PREX1: variants seen among roughly 807,000 people sequenced by gnomAD.
The protein encoded by PREX1 is phosphatidylinositol 3,4,5-trisphosphate-dependent Rac exchanger 1 protein.
A neutral mutation model predicts 198.3 loss-of-function variants in PREX1; 41 were observed. The ratio of observed to expected loss-of-function variants is 0.21; its 90% CI spans 0.16 to 0.27. PREX1 has a LOEUF of 0.27. PREX1 is among the 10% of genes least tolerant of loss of function. The pLI is 1.00. For missense variants in PREX1, 1,620 were observed against 2,200.7 expected (o/e 0.74, Z 5.28); for synonymous variants, 843 against 887.2 (o/e 0.95, Z 0.89).
intron 1 of PREX1, among the ~76,000 whole-genome samples, chr20:48,751,481 A>G (rs2090133881): frequency 6.6e-6 from 1 of 152,190 alleles, no homozygotes. Context: ...GCCGGTGTGA[A>G]GGCCACAATG....
intron 6 of PREX1, 128 bp downstream of exon 6, chr20:48,708,132 T>TG: frequency 9.9e-7 from 1 of 1,014,840 alleles, no homozygotes; most frequent in South Asian, 1.9e-5. Flanking sequence ...AAGCAATCTT[T>TG]TGCAAACACT....
chr20:48,662,079 T>C (rs2089601248), intron 15 of PREX1, among the ~76,000 whole-genome samples: 1 of 152,194 alleles, frequency 6.6e-6, no homozygotes, highest in Non-Finnish European at 1.5e-5. Flanking sequence ...ATTTCTTTCT[T>C]TCTCCTTAGT....
intron 1 of PREX1, among the ~76,000 whole-genome samples, chr20:48,753,296 CTG>C (rs2122805851): frequency 6.6e-6 from 1 of 152,336 alleles, no homozygotes; most frequent in South Asian, 2.1e-4. Context: ...AAACAGCAAA[CTG>C]GTGACAAAAC....
At chr20:48,652,093 T>G (rs1601046029) in intron 21 of PREX1, among the ~76,000 whole-genome samples, 1 of 152,074 alleles carries the variant, frequency 6.6e-6, no homozygotes, top group East Asian at 1.9e-4. Flanking sequence ...AGCTGCTGGG[T>G]TTGGGGCACT....
chr20:48,643,971 T>C (rs6066801), intron 27 of PREX1, among the ~76,000 whole-genome samples: 40,603 of 152,202 alleles, frequency 0.27, 5,626 homozygotes, highest in South Asian at 0.42. Context: ...GCCACCACGC[T>C]CAGCCATGGG....
intron 31 of PREX1, 112 bp from the exon 32 acceptor site, chr20:48,636,795 T>C (rs147701646): frequency 1.1e-6 from 1 of 885,522 alleles, no homozygotes; most frequent in East Asian, 2.7e-5. Context: ...AGCAAAGGGC[T>C]AACATCAGGC....
At position 48,702,260 on chromosome 20, in the gene PREX1, A is replaced by C. The variant is rs181121754; in HGVS notation, c.784-1374T>G. On this transcript the variant is annotated intron_variant, in intron 6 of 39. Coordinates refer to ENST00000371941, the MANE Select transcript of PREX1 (RefSeq NM_020820.4). ...CTGAGGGCAGGGATGGGAAGGTCCT[A>C]GCTGGGAGGGATCCTTAGAGCCTGG... 2.0e-3 allele frequency among the ~76,000 whole-genome samples: 310 copies of C among 151,676 alleles called. 2 individuals carry two copies. The highest frequency in any genetic ancestry group is 7.2e-3 in the African/African-American group (298 of 41,392).
At position 48,827,231 on chromosome 20, in the gene PREX1, G is replaced by A. The variant is rs2090513012; in HGVS notation, c.219+411C>T. ...GACGTTGGGCTCTGGGGCTCCTACG[G>A]TATGTCCTAGATGAGTGGTGCACCG... On this transcript the variant is annotated intron_variant, in intron 1 of 39. Transcript: ENST00000371941. This position sits in a 1 kb window ranked among gnomAD's most constrained non-coding sequence, Gnocchi z 4.1. Among the ~76,000 whole-genome samples the A allele has an allele frequency of 6.6e-6, 1 of 152,332 alleles. No homozygotes were observed. Among genetic ancestry groups the A allele is most frequent in the South Asian group, 2.1e-4 (1 of 4,828 alleles).
chr20:48,723,436 C>T (rs55953372), intron 5 of PREX1, among the ~76,000 whole-genome samples: 36,662 of 152,086 alleles, frequency 0.24, 5,247 homozygotes, highest in African/African-American at 0.4. Context: ...CAAATGTTCC[C>T]GCTCTGGGGC....
At position 48,664,762 on chromosome 20, in the gene PREX1, A is replaced by G. The variant is rs2038176; in HGVS notation, c.1738+1521T>C. 1.5e-3 allele frequency among the ~76,000 whole-genome samples: 213 copies of G among 139,030 alleles called. 1 individual carries two copies. Among genetic ancestry groups the G allele is most frequent in the African/African-American group, 4.3e-3 (160 of 37,144 alleles). 91.2% of individuals were successfully genotyped at this position (139,030 alleles called of 152,430 possible). ...CCAGACGGCCTGAATTCTAATCCCG[A>G]CTCCAGACGGCCTGAATTCTAATCC... On this transcript the variant is annotated intron_variant, in intron 15 of 39. Coordinates refer to ENST00000371941, the MANE Select transcript of PREX1 (RefSeq NM_020820.4).
intron 3 of PREX1, among the ~76,000 whole-genome samples, chr20:48,742,253 G>A (rs959017369): frequency 6.6e-6 from 1 of 152,162 alleles, no homozygotes; most frequent in Non-Finnish European, 1.5e-5. Flanking sequence ...AGAAGCCTGG[G>A]AGGTGCCAGA....
intron 1 of PREX1, among the ~76,000 whole-genome samples, chr20:48,806,034 T>C (rs527918083): frequency 1.3e-5 from 2 of 152,332 alleles, no homozygotes; most frequent in African/African-American, 4.8e-5. Flanking sequence ...TAATACTGTG[T>C]GATAAGGCTG....
At chr20:48,884,000 C>T in the PREX1 span, among the ~76,000 whole-genome samples, 542 of 151,994 alleles carry the variant, frequency 3.6e-3, 6 homozygotes, top group African/African-American at 0.013. Flanking sequence ...ACTAGCCAGG[C>T]GTGGTGGTGG....
chr20:48,703,744 G>A (rs1183505327), intron 6 of PREX1, among the ~76,000 whole-genome samples: 1 of 152,198 alleles, frequency 6.6e-6, no homozygotes, highest in Non-Finnish European at 1.5e-5. Flanking sequence ...GCCAGCCTGG[G>A]AAGCTGCCTC....
At position 48,646,052 on chromosome 20, in the gene PREX1, A is replaced by G; in HGVS notation, c.3311T>C (p.Leu1104Pro). 1 of 1,613,566 alleles carries G rather than the reference A, an allele frequency of 6.2e-7. No individual in the cohort carries two copies. Among genetic ancestry groups the G allele is most frequent in the East Asian group, 2.2e-5 (1 of 44,878 alleles). Reference sequence around the variant, plus strand: ...CGAGGTGGGCTCTGTGATGGTGGACAGCAGCCTACGGAAGCAAAGACCTTG... The same window carrying G: ...CGAGGTGGGCTCTGTGATGGTGGACGGCAGCCTACGGAAGCAAAGACCTTG... ...KQYVTQINRL[L>P]STITEPTSGG... The change falls in exon 26 of 40, where the codon CTG (leucine) becomes CCG (proline). Residue 1104 changes from leucine (L) to proline (P), a missense_variant. By Grantham distance (98) the Leu-to-Pro change is moderately conservative. Around this residue, in one of 7 missense-constraint regions of PREX1, gnomAD observed 514 missense variants for 611.6 expected, o/e 0.84. Transcript: ENST00000371941.
intron 1 of PREX1, among the ~76,000 whole-genome samples, chr20:48,809,697 G>T (rs2090426180): frequency 6.6e-6 from 1 of 152,168 alleles, no homozygotes; most frequent in Non-Finnish European, 1.5e-5. Context: ...CCAAGAGCAG[G>T]AAGACACCAA....
chr20:48,690,563 C>T (rs1038340725), intron 9 of PREX1, among the ~76,000 whole-genome samples: 1 of 152,064 alleles, frequency 6.6e-6, no homozygotes, highest in Non-Finnish European at 1.5e-5. Flanking sequence ...CCCAGAGGGA[C>T]TCCTGACTGA....
At chr20:48,685,309 A>G (rs187749723) in intron 10 of PREX1, among the ~76,000 whole-genome samples, 3 of 152,266 alleles carry the variant, frequency 2.0e-5, no homozygotes, top group Admixed American at 2.0e-4. Flanking sequence ...ATTAATACAC[A>G]CAGATTTTAT....
At chr20:48,647,416 G>A (rs926259079) in intron 25 of PREX1, among the ~76,000 whole-genome samples, 1 of 151,398 alleles carries the variant, frequency 6.6e-6, no homozygotes, top group East Asian at 1.9e-4. Context: ...AGCTACTTGG[G>A]AGGCTGAGGC....
Sources: gnomAD v4.1 joint callset for allele counts (sites outside exome capture counted in the v4.1 genomes callset) on GRCh38, gnomAD v4.1.1 for gene constraint, gnomAD v4.1.1 regional missense constraint, Gnocchi (gnomAD v3.1) non-coding constraint, MANE v1.5 for transcripts, NCBI Gene and HGNC (gene_info 2026-07-23, HGNC 2026-07-21) for gene names.